Variants in ASIC2 observed in about 807,000 individuals in gnomAD.
The protein encoded by ASIC2 is acid sensing ion channel subunit 2.
In ASIC2, 25 loss-of-function variants were observed where a neutral mutation model predicts 57.3. That is an observed-to-expected ratio of 0.44 (90% CI 0.32 to 0.61). The LOEUF is 0.61. ASIC2 is among the 20% of genes least tolerant of loss of function. ASIC2 has a pLI of 0.06. For missense variants in ASIC2, 641 were observed against 738.1 expected, an observed-to-expected ratio of 0.87 and a Z score of 1.52; for synonymous variants, 319 against 307.5, an observed-to-expected ratio of 1.04 and a Z score of -0.39.
In ASIC2 at chr17:33,853,497, A is replaced by G. The variant is rs114996958; in HGVS notation, c.555+302481T>C. 2.7e-3 allele frequency among the ~76,000 whole-genome samples: 407 copies of G among 152,322 alleles called. 3 individuals are homozygous for G. The highest frequency in any genetic ancestry group is 9.2e-3 in the African/African-American group (384 of 41,570). On this transcript the variant is annotated intron_variant, in intron 1 of 9. Transcript: ENST00000359872. ...CTATATCCCCATCTGTAAAGGGACA[A>G]TGTGACCTGGACCGTCTCTAAGCGA...
chr17:33,036,073 T>C (rs2091907488), intron 3 of ASIC2, among the ~76,000 whole-genome samples: 2 of 152,346 alleles, frequency 1.3e-5, no homozygotes, highest in Middle Eastern at 3.4e-3. Context: ...TGTCAAATAG[T>C]AGTTTTAAAA....
At chr17:33,828,579 G>A (rs946204268) in intron 1 of ASIC2, 7 of 152,126 alleles carry the variant, frequency 4.6e-5, no homozygotes, top group African/African-American at 7.2e-5. Context: ...GCGCTTCCTC[G>A]TCTCCTGATG....
intron 1 of ASIC2, among the ~76,000 whole-genome samples, chr17:34,017,326 T>C (rs1438230256): frequency 6.6e-6 from 1 of 152,228 alleles, no homozygotes; most frequent in Non-Finnish European, 1.5e-5. Flanking sequence ...GGTGTATGTG[T>C]TCTGACTGCT....
intron 1 of ASIC2, among the ~76,000 whole-genome samples, chr17:33,474,146 C>A (rs1441081821): frequency 6.6e-6 from 1 of 152,182 alleles, no homozygotes; most frequent in African/African-American, 2.4e-5. Context: ...GCAAGCGAAT[C>A]ATCTGAGGTC....
chr17:33,816,425 TG>T (rs2141889723), intron 1 of ASIC2, among the ~76,000 whole-genome samples: 1 of 152,336 alleles, frequency 6.6e-6, no homozygotes, highest in African/African-American at 2.4e-5. Context: ...TGTTAGCTCA[TG>T]TAATTCTGGC....
At chr17:33,425,493 G>C (rs1046319562) in intron 1 of ASIC2, among the ~76,000 whole-genome samples, 9 of 152,204 alleles carry the variant, frequency 5.9e-5, no homozygotes, top group African/African-American at 1.7e-4. Flanking sequence ...CAGAAGATTG[G>C]TTTCAAGGAT....
intron 1 of ASIC2, among the ~76,000 whole-genome samples, chr17:33,143,200 T>C (rs1046904286): frequency 2.0e-5 from 3 of 152,190 alleles, no homozygotes; most frequent in Non-Finnish European, 4.4e-5. Flanking sequence ...GGATGCTAGC[T>C]TCAGGTGAAA....
chr17:33,932,588 C>CTGTAATCTCA (rs1200687722), intron 1 of ASIC2: 1 of 150,846 alleles, frequency 6.6e-6, no homozygotes, highest in Non-Finnish European at 1.5e-5. Context: ...TGGCACATGC[C>CTGTAATCTCA]TGTAATCTCA....
chr17:33,036,692 G>A (rs1403158910), intron 3 of ASIC2, among the ~76,000 whole-genome samples: 4 of 152,106 alleles, frequency 2.6e-5, no homozygotes, highest in Non-Finnish European at 5.9e-5. Flanking sequence ...ACAGGTGTGA[G>A]TCATCATGCC....
intron 1 of ASIC2, among the ~76,000 whole-genome samples, chr17:34,047,371 C>G (rs1230779957): frequency 6.6e-6 from 1 of 152,084 alleles, no homozygotes; most frequent in African/African-American, 2.4e-5. Flanking sequence ...ACCCTCATTT[C>G]ACAATGTCCC....
At chr17:34,039,580 G>C (rs1270357604) in intron 1 of ASIC2, 1 of 1,613,846 alleles carries the variant, frequency 6.2e-7, no homozygotes, top group African/African-American at 1.3e-5. Flanking sequence ...GCCAGGGCTG[G>C]TTCCCGGCCC....
intron 1 of ASIC2, among the ~76,000 whole-genome samples, chr17:33,148,867 G>A (rs1904668870): frequency 1.3e-5 from 2 of 152,184 alleles, no homozygotes; most frequent in South Asian, 2.1e-4. Context: ...GCCAAGGCAG[G>A]CGGATCATCT....
chr17:33,544,871 T>G (rs1416222182), intron 1 of ASIC2, among the ~76,000 whole-genome samples: 1 of 152,088 alleles, frequency 6.6e-6, no homozygotes, highest in Non-Finnish European at 1.5e-5. Context: ...GTCCTCAGTA[T>G]TTATATTTTT....
intron 1 of ASIC2, among the ~76,000 whole-genome samples, chr17:33,164,522 G>A (rs1905249832): frequency 6.6e-6 from 1 of 151,924 alleles, no homozygotes; most frequent in African/African-American, 2.4e-5. Flanking sequence ...GGCATTGGAG[G>A]GGTAGAGAGC....
intron 1 of ASIC2, among the ~76,000 whole-genome samples, chr17:34,119,836 GT>G (rs1181964186): frequency 6.6e-6 from 1 of 152,170 alleles, no homozygotes; most frequent in African/African-American, 2.4e-5. Context: ...TGGACAGTTT[GT>G]TTTGAAGTCC....
At chr17:34,096,836 G>T (rs948679589) in intron 1 of ASIC2, among the ~76,000 whole-genome samples, 4 of 110,524 alleles carry the variant, frequency 3.6e-5, no homozygotes, top group African/African-American at 1.4e-4. Context: ...CAGCCTGGGT[G>T]ACAGGGTGAG....
chr17:33,123,182 T>G (rs995990961), intron 1 of ASIC2, among the ~76,000 whole-genome samples: 2 of 152,210 alleles, frequency 1.3e-5, no homozygotes, highest in Non-Finnish European at 2.9e-5. Flanking sequence ...TGAAGAGATG[T>G]CTGCACTCCC....
chr17:34,098,688 T>C (rs1159886516), intron 1 of ASIC2, among the ~76,000 whole-genome samples: 1 of 152,172 alleles, frequency 6.6e-6, no homozygotes, highest in East Asian at 1.9e-4. Flanking sequence ...TAACTGTGTG[T>C]AGATAGAAAG....
chr17:33,225,540 C>T (rs1001384574), intron 1 of ASIC2, among the ~76,000 whole-genome samples: 2 of 152,212 alleles, frequency 1.3e-5, no homozygotes, highest in African/African-American at 4.8e-5. Flanking sequence ...CCTCTGATAC[C>T]TAGGTTTTGC....
Sources: gnomAD v4.1 joint callset for allele counts (sites outside exome capture counted in the v4.1 genomes callset) on GRCh38, gnomAD v4.1.1 for gene constraint, MANE v1.5 for transcripts, NCBI Gene and HGNC (gene_info 2026-07-23, HGNC 2026-07-21) for gene names.